The following ARHGAP24 variants were observed in gnomAD, a reference collection of about 807,000 sequenced individuals.
ARHGAP24 encodes the protein rho GTPase-activating protein 24.
A neutral mutation model predicts 76.4 loss-of-function variants in ARHGAP24; 50 were observed. That is an observed-to-expected ratio of 0.65 (90% CI 0.52 to 0.83). The LOEUF (loss-of-function observed/expected upper bound fraction) is 0.83, where lower values mean the gene tolerates loss of function less well. Among genes scored for constraint, ARHGAP24 ranks in the 40% least tolerant of loss-of-function variants. ARHGAP24 has a pLI of 0.00. For synonymous variants in ARHGAP24, 345 were observed against 323.3 expected, an observed-to-expected ratio of 1.07 and a Z score of -0.72; for missense variants, 930 against 914.2, an observed-to-expected ratio of 1.02 and a Z score of -0.22.
intron 3 of ARHGAP24, among the ~76,000 whole-genome samples, chr4:85,857,189 T>TTACC (rs1731627066): frequency 2.0e-5 from 3 of 152,200 alleles, no homozygotes; most frequent in African/African-American, 7.2e-5. Context: ...AAGTCTCTGA[T>TTACC]CTTCAGAGCA....
At chr4:85,616,997 G>T (rs1015807333) in intron 2 of ARHGAP24, among the ~76,000 whole-genome samples, 6 of 150,630 alleles carry the variant, frequency 4.0e-5, no homozygotes, top group Admixed American at 3.3e-4. Context: ...GCATTTATTT[G>T]CATAACCAAA....
chr4:85,516,998 C>T (rs924498742), intron 1 of ARHGAP24, among the ~76,000 whole-genome samples: 21 of 151,998 alleles, frequency 1.4e-4, no homozygotes, highest in African/African-American at 5.1e-4. Context: ...AATAGCTTTC[C>T]AGTTTCCCCA....
At chr4:85,825,216 A>C (rs746704066) in intron 3 of ARHGAP24, among the ~76,000 whole-genome samples, 1 of 152,242 alleles carries the variant, frequency 6.6e-6, no homozygotes, top group Non-Finnish European at 1.5e-5. Context: ...TTTTCAATTG[A>C]GATATCTGAA....
At chr4:85,740,766 T>C (rs1725793103) in intron 3 of ARHGAP24, among the ~76,000 whole-genome samples, 1 of 152,168 alleles carries the variant, frequency 6.6e-6, no homozygotes, top group Non-Finnish European at 1.5e-5. Flanking sequence ...CATGGCTTAT[T>C]TTACCATGAA....
chr4:85,741,273 G>A (rs959160372), intron 3 of ARHGAP24, among the ~76,000 whole-genome samples: 5 of 152,156 alleles, frequency 3.3e-5, no homozygotes, highest in Non-Finnish European at 7.4e-5. Flanking sequence ...TAGAGATGGG[G>A]CTAGAATGGC....
At chr4:85,522,578 C>T (rs938074960) in intron 1 of ARHGAP24, among the ~76,000 whole-genome samples, 1 of 152,182 alleles carries the variant, frequency 6.6e-6, no homozygotes, top group Non-Finnish European at 1.5e-5. Context: ...AGATACTTTG[C>T]TGGGTACTTA....
At chr4:85,928,234 T>TTCCTTCCC (rs1736123743) in intron 4 of ARHGAP24, among the ~76,000 whole-genome samples, 1 of 151,638 alleles carries the variant, frequency 6.6e-6, no homozygotes. Context: ...CCTTCCTTCC[T>TTCCTTCCC]TCCCTTCTTC....
Position 85,648,802 on chromosome 4 carries a change from C to A in ARHGAP24, c.181-73083C>A, listed in dbSNP as rs147781620. Among the ~76,000 whole-genome samples, 235 of 152,144 alleles carry A rather than the reference C, an allele frequency of 1.5e-3. 1 individual carries two copies. The highest frequency in any genetic ancestry group is 5.3e-3 in the African/African-American group (222 of 41,538). ...TCAAAAAATAGCTTTATTTTTCTTT[C>A]TGGAAATGTGGTTACACTCCCTTGC... is the stretch of plus-strand genomic sequence containing the variant. On this transcript the variant is annotated intron_variant, in intron 2 of 9. Transcript: ENST00000395184.
At chr4:85,758,055 A>G (rs1022860725) in intron 3 of ARHGAP24, among the ~76,000 whole-genome samples, 4 of 144,986 alleles carry the variant, frequency 2.8e-5, no homozygotes, top group Non-Finnish European at 6.0e-5. Flanking sequence ...CTTTGGAAGA[A>G]GAAGGGGGAA....
At chr4:85,494,856 T>C (rs1465853595) in intron 1 of ARHGAP24, among the ~76,000 whole-genome samples, 3 of 151,042 alleles carry the variant, frequency 2.0e-5, no homozygotes, top group African/African-American at 4.9e-5. Context: ...CCCAGCACTT[T>C]GGGAGGCCAA....
chr4:85,974,009 ATTTTTTTT>A (rs201491396), intron 6 of ARHGAP24, among the ~76,000 whole-genome samples: 1 of 127,118 alleles, frequency 7.9e-6, no homozygotes, highest in Non-Finnish European at 1.6e-5. Flanking sequence ...AGCCTGGCTA[ATTTTTTTT>A]TTTTTTTTTT....
chr4:85,848,960 G>A (rs1343412110), intron 3 of ARHGAP24, among the ~76,000 whole-genome samples: 2 of 151,960 alleles, frequency 1.3e-5, no homozygotes, highest in African/African-American at 4.8e-5. Context: ...GAACTTTAAA[G>A]TAGTTTTTTC....
At chr4:85,658,416 T>C (rs914638261) in intron 2 of ARHGAP24, among the ~76,000 whole-genome samples, 8 of 152,170 alleles carry the variant, frequency 5.3e-5, no homozygotes, top group Non-Finnish European at 1.2e-4. Context: ...GCTTAAAAAA[T>C]TGCTCTAGTA....
intron 2 of ARHGAP24, among the ~76,000 whole-genome samples, chr4:85,615,864 G>T (rs114818364): frequency 6.6e-6 from 1 of 152,156 alleles, no homozygotes; most frequent in African/African-American, 2.4e-5. Flanking sequence ...GGGGAAGTGG[G>T]TGTAAACTCT....
intron 4 of ARHGAP24, among the ~76,000 whole-genome samples, chr4:85,935,202 G>A (rs929192196): frequency 5.3e-5 from 8 of 152,320 alleles, no homozygotes; most frequent in African/African-American, 1.9e-4. Context: ...CTGCGTATAA[G>A]TGACTAGCTC....
chr4:85,746,918 G>T (rs537131567), intron 3 of ARHGAP24, among the ~76,000 whole-genome samples: 2 of 152,194 alleles, frequency 1.3e-5, no homozygotes, highest in South Asian at 4.2e-4. Context: ...CTCCCAAAGT[G>T]CTGGGATTTC....
rs778224527 is a variant in ARHGAP24 at position 85,625,377 on chromosome 4, C to T, written c.180+54656C>T. 1.1e-4 allele frequency among the ~76,000 whole-genome samples: 17 copies of T among 152,154 alleles called. 1 individual carries two copies. Among genetic ancestry groups the T allele is most frequent in the African/African-American group, 3.6e-4 (15 of 41,504 alleles). On this transcript the variant is annotated intron_variant, in intron 2 of 9. Coordinates refer to ENST00000395184, the MANE Select transcript of ARHGAP24 (RefSeq NM_001025616.3). ...GTTGTTCAGTTTCCATGTAGTTGAG[C>T]GGTTTTGAGTGAGTTTCTTAATCCT...
At chr4:85,734,641 T>TTTTTC (rs1475284174) in intron 3 of ARHGAP24, among the ~76,000 whole-genome samples, 1 of 146,556 alleles carries the variant, frequency 6.8e-6, no homozygotes, top group Non-Finnish European at 1.5e-5. Context: ...AGGGAATTTT[T>TTTTTC]TTTTTTTTTT....
chr4:85,523,379 G>C (rs749873872), intron 1 of ARHGAP24, among the ~76,000 whole-genome samples: 4 of 152,102 alleles, frequency 2.6e-5, no homozygotes, highest in Non-Finnish European at 5.9e-5. Context: ...CTATGACTCA[G>C]AGCACCTCCT....
Sources: allele counts gnomAD v4.1 joint callset (sites outside exome capture counted in the v4.1 genomes callset), GRCh38; gene constraint gnomAD v4.1.1; transcripts MANE v1.5; gene names NCBI Gene and HGNC (gene_info 2026-07-23, HGNC 2026-07-21).